Variants in HCRTR2 observed in about 807,000 individuals in gnomAD.
HCRTR2 encodes orexin receptor type 2.
In HCRTR2, 22 loss-of-function variants were observed where a neutral mutation model predicts 49.0. The ratio of observed to expected loss-of-function variants is 0.45; its 90% CI spans 0.32 to 0.64. The LOEUF (loss-of-function observed/expected upper bound fraction) is 0.64. HCRTR2 is among the 30% of genes least tolerant of loss of function. HCRTR2 has a pLI of 0.04. For synonymous variants in HCRTR2, 236 were observed against 205.3 expected, an observed-to-expected ratio of 1.15 and a Z score of -1.28; for missense variants, 491 against 559.4, an observed-to-expected ratio of 0.88 and a Z score of 1.23.
At chr6:55,172,130 GAAATGGCTAATGTTTTGGAT>G (rs1227075748), upstream of HCRTR2, among the ~76,000 whole-genome samples, 1 of 152,198 alleles carries the variant, frequency 6.6e-6, no homozygotes, top group African/African-American at 2.4e-5. Context: ...CAGGTCTGGA[GAAATGGCTAATGTTTTGGAT>G]AATAGCATTA....
At chr6:55,243,764 G>A (rs111620637) in intron 1 of HCRTR2, among the ~76,000 whole-genome samples, 2,534 of 152,172 alleles carry the variant, frequency 0.017, 73 homozygotes, top group African/African-American at 0.058. Flanking sequence ...GAGCCTTTGT[G>A]CCCGTAGAGA....
chr6:55,125,696 C>T (rs188919932), intron 1 of HCRTR2, among the ~76,000 whole-genome samples: 1 of 152,186 alleles, frequency 6.6e-6, no homozygotes, highest in African/African-American at 2.4e-5. Context: ...TGGATAATAT[C>T]CTGAAGAGTG....
intron 1 of HCRTR2, among the ~76,000 whole-genome samples, chr6:55,154,256 T>A (rs1239538229): frequency 6.6e-6 from 1 of 151,926 alleles, no homozygotes; most frequent in Admixed American, 6.6e-5. Flanking sequence ...GAGGGAATAT[T>A]TTCAAACTCA....
At chr6:55,224,706 T>C (rs1765968618) in intron 1 of HCRTR2, among the ~76,000 whole-genome samples, 2 of 151,948 alleles carry the variant, frequency 1.3e-5, no homozygotes, top group Non-Finnish European at 2.9e-5. Context: ...GGAAACCCTG[T>C]CATTTGCAAC....
Position 55,282,248 on chromosome 6 carries a change from G to C in HCRTR2, c.1129G>C (p.Ala377Pro). 6.2e-7 allele frequency: 1 copy of C among 1,613,678 alleles called. No individual in the cohort carries two copies. The highest frequency in any genetic ancestry group is 8.5e-7 in the Non-Finnish European group (1 of 1,179,828). ...LSGKFREEFK[A>P]AFSCCCLGVH... is the part of the protein sequence containing the mutation. ...AGGAAAATTTCGAGAGGAATTTAAA[G>C]CTGCGTTTTCTTGCTGTTGCCTTGG... Residue 377 changes from alanine (A) to proline (P), a missense_variant, in exon 7 of 7, where the codon GCT becomes CCT. Physicochemically the swap from Ala to Pro is conservative, Grantham distance 27. Transcript: ENST00000370862.
chr6:55,185,226 G>A lies in HCRTR2; in HGVS notation c.223+10416G>A, dbSNP rs1291731175. On this transcript the variant is annotated intron_variant, in intron 1 of 6. Coordinates refer to ENST00000370862, the MANE Select transcript of HCRTR2 (RefSeq NM_001384272.1). ...TAACAAATCTTACCAGCTGGTTCAGGAAAATAACTTCATAATTATTGAGAC... is the reference window on the plus strand; with the variant it reads ...TAACAAATCTTACCAGCTGGTTCAGAAAAATAACTTCATAATTATTGAGAC... Among the ~76,000 whole-genome samples the A allele has an allele frequency of 2.0e-5, 3 of 152,124 alleles. No homozygotes were observed. The East Asian group carries it at 5.8e-4, about 29-fold the overall frequency.
At chr6:55,123,360 C>G (rs1038132628) in intron 1 of HCRTR2, among the ~76,000 whole-genome samples, 1 of 151,896 alleles carries the variant, frequency 6.6e-6, no homozygotes, top group Non-Finnish European at 1.5e-5. Context: ...TGTCAAAAGC[C>G]TTTTCTGCAT....
chr6:55,252,673 C>G (rs955293029), intron 2 of HCRTR2, among the ~76,000 whole-genome samples: 2 of 152,052 alleles, frequency 1.3e-5, no homozygotes, highest in Non-Finnish European at 2.9e-5. Flanking sequence ...CTAGGAGTCA[C>G]TAATCAACTT....
chr6:55,147,287 T>A (rs1256098353), intron 1 of HCRTR2, among the ~76,000 whole-genome samples: 1 of 152,138 alleles, frequency 6.6e-6, no homozygotes, highest in East Asian at 1.9e-4. Flanking sequence ...ATCTACGTAA[T>A]TGATAAAAAT....
At chr6:55,242,307 C>T (rs1473619181) in intron 1 of HCRTR2, among the ~76,000 whole-genome samples, 1 of 152,096 alleles carries the variant, frequency 6.6e-6, no homozygotes, top group Non-Finnish European at 1.5e-5. Flanking sequence ...ACCTCCAGAA[C>T]ATTTAAAATT....
In HCRTR2 at chr6:55,257,344, A is replaced by G. The variant is rs114667888; in HGVS notation, c.646+1965A>G. 9.5e-3 allele frequency among the ~76,000 whole-genome samples: 1,441 copies of G among 152,244 alleles called. 26 individuals carry two copies. Among genetic ancestry groups the G allele is most frequent in the African/African-American group, 0.033 (1,358 of 41,566 alleles). On this transcript the variant is annotated intron_variant, in intron 3 of 6. Transcript: ENST00000370862. ...ATTATTTTTTCAAGATTATGAAGCA[A>G]ATAGGTACATTTAAATCTAAAGCTT...
chr6:55,242,155 C>A (rs1466347720), intron 1 of HCRTR2, among the ~76,000 whole-genome samples: 1 of 152,056 alleles, frequency 6.6e-6, no homozygotes, highest in East Asian at 1.9e-4. Flanking sequence ...CAGGCATGAG[C>A]CACCACTCCC....
intron 1 of HCRTR2, among the ~76,000 whole-genome samples, chr6:55,229,403 T>C (rs1052768185): frequency 6.6e-6 from 1 of 152,186 alleles, no homozygotes; most frequent in African/African-American, 2.4e-5. Flanking sequence ...TTTGGGTATA[T>C]ATCCAAAATA....
At chr6:55,158,359 C>G (rs1463471608) in intron 1 of HCRTR2, among the ~76,000 whole-genome samples, 1 of 152,198 alleles carries the variant, frequency 6.6e-6, no homozygotes, top group East Asian at 1.9e-4. Context: ...CCTTGGGTTT[C>G]AAGTACAAAA....
chr6:55,127,873 G>T (rs928170059), intron 1 of HCRTR2, among the ~76,000 whole-genome samples: 4 of 152,114 alleles, frequency 2.6e-5, no homozygotes, highest in Non-Finnish European at 5.9e-5. Context: ...TTGTTAGATT[G>T]TCTGTTTACT....
intron 1 of HCRTR2, among the ~76,000 whole-genome samples, chr6:55,146,933 G>A (rs531545399): frequency 6.6e-6 from 1 of 152,210 alleles, no homozygotes; most frequent in African/African-American, 2.4e-5. Flanking sequence ...ATAGCCAGGG[G>A]ATCTTTAAAA....
chr6:55,240,582 A>G (rs1050286802), intron 1 of HCRTR2, among the ~76,000 whole-genome samples: 1 of 152,116 alleles, frequency 6.6e-6, no homozygotes, highest in Non-Finnish European at 1.5e-5. Context: ...AGACAGGCAT[A>G]TTGGCTCAGG....
Position 55,248,643 on chromosome 6 carries a change from T to C in HCRTR2, c.228T>C (p.Cys76=), listed in dbSNP as rs768299252. 1 of 1,612,574 alleles carries C rather than the reference T, an allele frequency of 6.2e-7. No individual in the cohort carries two copies. The highest frequency in any genetic ancestry group is 8.5e-7 in the Non-Finnish European group (1 of 1,178,734). The change falls in exon 2 of 7, where the codon TGT becomes TGC. Residue 76 remains cysteine (C), a synonymous_variant. Transcript: ENST00000370862. ...VVALIGNVLV[C]VAVWKNHHMR... is the part of the protein sequence containing the mutation. ...TCCTTTTTCTTTTCAAATTAGTTTG[T>C]GTGGCAGTGTGGAAGAACCACCACA...
chr6:55,123,271 A>G (rs988201227), intron 1 of HCRTR2, among the ~76,000 whole-genome samples: 2 of 152,096 alleles, frequency 1.3e-5, no homozygotes, highest in African/African-American at 4.8e-5. Flanking sequence ...GGTTTGTCAT[A>G]AATAGCTCTT....
Sources: gnomAD v4.1 joint callset for allele counts (sites outside exome capture counted in the v4.1 genomes callset) on GRCh38, gnomAD v4.1.1 for gene constraint, MANE v1.5 for transcripts, NCBI Gene and HGNC (gene_info 2026-07-23, HGNC 2026-07-21) for gene names.